Variants in FAM219A observed in about 807,000 individuals in gnomAD.
FAM219A encodes the protein family with sequence similarity 219 member A.
In FAM219A, 7 loss-of-function variants were observed where a neutral mutation model predicts 23.4. The ratio of observed to expected loss-of-function variants is 0.30; its 90% CI spans 0.17 to 0.56. FAM219A has a LOEUF of 0.56. FAM219A is among the 20% of genes least tolerant of loss of function. FAM219A has a pLI of 0.92. For synonymous variants in FAM219A, 93 were observed against 99.0 expected (o/e 0.94, Z 0.36); for missense variants, 166 against 246.9 (o/e 0.67, Z 2.20).
chr9:34,433,152 CA>C (rs1822777324), intron 1 of FAM219A, among the ~76,000 whole-genome samples: 2 of 152,274 alleles, frequency 1.3e-5, no homozygotes, highest in South Asian at 4.1e-4. Context: ...GTATTTATAT[CA>C]GTATGGATTA....
In FAM219A at chr9:34,458,397, C is replaced by A. The variant is rs1823849655; in HGVS notation, c.-134G>T. On this transcript the variant is annotated 5_prime_UTR_variant, in exon 1 of 6. Coordinates refer to ENST00000651358, the MANE Select transcript of FAM219A (RefSeq NM_001184940.2). The surrounding 1 kb of genome is among the most constrained non-coding windows in gnomAD (Gnocchi z 6.6). ...CCGGACCACTCGGGCGGGCAGGGGC[C>A]GGGCGGATGCAGGGGTGGGCGGGGG... 4.1e-6 allele frequency: 2 copies of A among 491,566 alleles called. No homozygotes were observed. The highest frequency in any genetic ancestry group is 1.0e-4 in the East Asian group (2 of 19,708). The allele number at this position is 491,566 out of a possible 1,614,324, so 30.5% of individuals were successfully genotyped here.
At chr9:34,405,223 G>A (rs1821591882) in intron 2 of FAM219A, among the ~76,000 whole-genome samples, 1 of 152,240 alleles carries the variant, frequency 6.6e-6, no homozygotes, top group Admixed American at 6.5e-5. Flanking sequence ...ATGAGGTGAA[G>A]GGAGGGCAAT....
chr9:34,400,788 T>A lies in FAM219A; in HGVS notation c.*176A>T, dbSNP rs1274873806. 1.8e-5 allele frequency: 11 copies of A among 621,562 alleles called. No homozygotes were observed. In the African/African-American group the frequency reaches 1.9e-4, roughly 11 times the overall value. 38.5% of individuals were successfully genotyped at this position (621,562 alleles called of 1,614,324 possible). A position where few individuals can be genotyped will look rare whatever the true frequency, so the allele number is the denominator to read the frequency against. ...CCCAGTTTTGGTTTCTCCAGCTCCA[T>A]GAACACACAGAGGTACACGTCCTAC... is the stretch of plus-strand genomic sequence containing the variant. On this transcript the variant is annotated 3_prime_UTR_variant, in exon 6 of 6. Coordinates refer to ENST00000651358, the MANE Select transcript of FAM219A (RefSeq NM_001184940.2).
intron 1 of FAM219A, among the ~76,000 whole-genome samples, chr9:34,451,822 G>A (rs528012080): frequency 5.9e-5 from 9 of 152,248 alleles, no homozygotes; most frequent in South Asian, 2.1e-4. Flanking sequence ...TGGAAGAAAC[G>A]GTTGGGCTCT....
In FAM219A at chr9:34,398,369, A is replaced by AG. The variant is rs1335817969; in HGVS notation, c.*2594dup. 1.9e-6 allele frequency: 3 copies of AG among 1,550,414 alleles called. No homozygotes were observed. In the South Asian group the frequency reaches 3.6e-5, roughly 18 times the overall value. On this transcript the variant is annotated 3_prime_UTR_variant, in exon 6 of 6. Coordinates refer to ENST00000651358, the MANE Select transcript of FAM219A (RefSeq NM_001184940.2). The stretch of plus-strand genomic sequence containing the variant: ...GCTGGGTGGCAGCCACAGCTGAGAG[A>AG]GGAGGGAGTGTTAAGGCAGTATCTA...
intron 1 of FAM219A, among the ~76,000 whole-genome samples, chr9:34,407,992 C>T (rs79329111): frequency 0.025 from 3,812 of 152,256 alleles, 171 homozygotes; most frequent in African/African-American, 0.087. Flanking sequence ...GAAATCCTGG[C>T]CTTGTCTGTG....
At chr9:34,441,482 G>A (rs1823171780) in intron 1 of FAM219A, among the ~76,000 whole-genome samples, 2 of 152,190 alleles carry the variant, frequency 1.3e-5, no homozygotes, top group Non-Finnish European at 2.9e-5. Flanking sequence ...GTGGTCTGAA[G>A]ACACTCCAGG....
At chr9:34,423,678 C>T (rs1022815047) in intron 1 of FAM219A, among the ~76,000 whole-genome samples, 11 of 152,078 alleles carry the variant, frequency 7.2e-5, no homozygotes, top group Non-Finnish European at 1.3e-4. Flanking sequence ...AAGGAATAGG[C>T]AGGAATGATT....
chr9:34,439,911 A>C (rs558819008), intron 1 of FAM219A, among the ~76,000 whole-genome samples: 193 of 152,320 alleles, frequency 1.3e-3, no homozygotes, highest in African/African-American at 4.4e-3. Context: ...ACTTGATGAC[A>C]CTTTCCTCTG....
chr9:34,454,464 G>T (rs988806669), intron 1 of FAM219A, among the ~76,000 whole-genome samples: 10 of 152,120 alleles, frequency 6.6e-5, no homozygotes, highest in Non-Finnish European at 1.2e-4. Context: ...AAAGGAGACA[G>T]GAAGAGACCC....
chr9:34,414,795 C>T (rs1463636027), intron 1 of FAM219A, among the ~76,000 whole-genome samples: 1 of 152,170 alleles, frequency 6.6e-6, no homozygotes, highest in Admixed American at 6.5e-5. Flanking sequence ...TCTAAATCTC[C>T]CAAATCTTCT....
chr9:34,428,522 GC>G (rs1294244111), intron 1 of FAM219A, among the ~76,000 whole-genome samples: 6 of 152,214 alleles, frequency 3.9e-5, no homozygotes, highest in African/African-American at 1.4e-4. Flanking sequence ...GAATTCATGG[GC>G]CCTTGTTTGC....
At chr9:34,448,944 A>G (rs1823462759) in intron 1 of FAM219A, among the ~76,000 whole-genome samples, 1 of 151,924 alleles carries the variant, frequency 6.6e-6, no homozygotes, top group South Asian at 2.1e-4. Flanking sequence ...AATTACTACC[A>G]AAGAACTTAT....
intron 1 of FAM219A, among the ~76,000 whole-genome samples, chr9:34,412,521 T>G (rs1821858974): frequency 6.6e-6 from 1 of 151,206 alleles, no homozygotes; most frequent in African/African-American, 2.4e-5. Flanking sequence ...GGATTTGAAG[T>G]GTGGGAGCTC....
rs1823821026 is a variant in FAM219A, at chr9:34,458,077, C to T, written c.60+127G>A. On this transcript the variant is annotated intron_variant, in intron 1 of 5. Transcript: ENST00000651358. The surrounding 1 kb of genome is among the most constrained non-coding windows in gnomAD (Gnocchi z 6.6). The stretch of plus-strand genomic sequence containing the variant: ...TGCAAGTCCCCGTCCCCCGGCAATA[C>T]GTTTTCAGGGATCTCTTTGCCCCAT... 3 of 847,826 alleles carry T rather than the reference C, an allele frequency of 3.5e-6. No individual in the cohort carries two copies. The highest frequency in any genetic ancestry group is 5.0e-6 in the Non-Finnish European group (3 of 601,004). The allele number at this position is 847,826 out of a possible 1,614,324, so 52.5% of individuals were successfully genotyped here.
intron 1 of FAM219A, among the ~76,000 whole-genome samples, chr9:34,453,598 A>C (rs1382809596): frequency 6.6e-6 from 1 of 152,166 alleles, no homozygotes; most frequent in African/African-American, 2.4e-5. Context: ...ATCTGAGTAG[A>C]TGCTCGTGAA....
chr9:34,448,090 C>T (rs997963114), intron 1 of FAM219A, among the ~76,000 whole-genome samples: 7 of 152,030 alleles, frequency 4.6e-5, no homozygotes, highest in Non-Finnish European at 7.4e-5. Context: ...AGGCTGGTCT[C>T]GAATTGATGG....
Position 34,444,722 on chromosome 9 carries a change from T to C in FAM219A, c.60+13482A>G, listed in dbSNP as rs1823311017. On this transcript the variant is annotated intron_variant, in intron 1 of 5. Transcript: ENST00000651358. ...CACTGGGGAGCCAGGAGCACGTCACTCCTTGTAAGAACAAAATCCTTCTCA... is the reference window on the plus strand; with the variant it reads ...CACTGGGGAGCCAGGAGCACGTCACCCCTTGTAAGAACAAAATCCTTCTCA... Among the ~76,000 whole-genome samples the C allele has an allele frequency of 9.8e-5, 15 of 152,330 alleles. 1 individual carries two copies. The South Asian group carries it at 3.1e-3, about 32-fold the overall frequency.
At chr9:34,445,789 C>A (rs1451391378) in intron 1 of FAM219A, among the ~76,000 whole-genome samples, 1 of 152,182 alleles carries the variant, frequency 6.6e-6, no homozygotes, top group African/African-American at 2.4e-5. Context: ...AGTCTGCTTG[C>A]AGATCTATAA....
Sources: allele counts gnomAD v4.1 joint callset (sites outside exome capture counted in the v4.1 genomes callset), GRCh38; gene constraint gnomAD v4.1.1; non-coding constraint Gnocchi (gnomAD v3.1); transcripts MANE v1.5; gene names NCBI Gene and HGNC (gene_info 2026-07-23, HGNC 2026-07-21).